DLGAP5: variants seen among roughly 807,000 people sequenced by gnomAD.
DLGAP5 encodes the protein disks large-associated protein 5.
In DLGAP5, 90 loss-of-function variants were observed where a neutral mutation model predicts 99.6. The ratio of observed to expected loss-of-function variants is 0.90; its 90% CI spans 0.76 to 1.08. The LOEUF is 1.08. Among genes scored for constraint, DLGAP5 ranks in the 50% least tolerant of loss-of-function variants. The pLI is 0.00. For synonymous variants in DLGAP5, 311 were observed against 321.3 expected, an observed-to-expected ratio of 0.97 and a Z score of 0.34; for missense variants, 1,036 against 983.5, an observed-to-expected ratio of 1.05 and a Z score of -0.71.
At chr14:55,182,700 C>G (rs1883316454) in intron 3 of DLGAP5, among the ~76,000 whole-genome samples, 1 of 152,066 alleles carries the variant, frequency 6.6e-6, no homozygotes, top group South Asian at 2.1e-4. Flanking sequence ...AGCTTCTATC[C>G]TCTCTTAGTT....
chr14:55,163,711 A>C (rs972680301), intron 12 of DLGAP5, among the ~76,000 whole-genome samples: 4 of 152,226 alleles, frequency 2.6e-5, no homozygotes, highest in Non-Finnish European at 4.4e-5. Context: ...TTGAATTTTC[A>C]CTGTTCCCTA....
At chr14:55,157,625 A>C (rs1353444803) in intron 14 of DLGAP5, among the ~76,000 whole-genome samples, 1 of 152,226 alleles carries the variant, frequency 6.6e-6, no homozygotes, top group East Asian at 1.9e-4. Flanking sequence ...ATCACAAAAA[A>C]ATGATTTCCT....
At chr14:55,178,668 T>C (rs8021306) in intron 7 of DLGAP5, among the ~76,000 whole-genome samples, 16,684 of 152,250 alleles carry the variant, frequency 0.11, 2,482 homozygotes, top group African/African-American at 0.33. Context: ...GAAGATTCAC[T>C]GTGTGTTTCC....
In DLGAP5 at chr14:55,186,388, C is replaced by T. The variant is rs1484892111; in HGVS notation, c.238+2554G>A. Among the ~76,000 whole-genome samples the T allele has an allele frequency of 7.9e-5, 12 of 152,178 alleles. No homozygotes were observed. In the East Asian group the frequency reaches 1.7e-3, roughly 22 times the overall value. On this transcript the variant is annotated intron_variant, in intron 2 of 18. Coordinates refer to ENST00000247191, the MANE Select transcript of DLGAP5 (RefSeq NM_014750.5). ...ATCTATTACAGGGTCCAGATTTAAA[C>T]GTCTCTATTTGTTTCAAAGAGGTCT...
rs767887933 is a variant in DLGAP5 at position 55,177,165 on chromosome 14, G to C, written c.946C>G (p.Pro316Ala). ...SFAPKDFMFQ[P>A]LDGLKTYQVT... ...TGATAGGTCTTCAGACCATCCAGTG[G>C]CTGAAACATAAAATCCTTAGGTGCA... is the stretch of plus-strand genomic sequence containing the variant. Residue 316 changes from proline to alanine, a missense_variant, in exon 8 of 19, where the codon CCA (proline) becomes GCA (alanine). Pro to Ala is a conservative substitution (Grantham distance 27). Transcript: ENST00000247191. 2 of 1,612,150 alleles carry C rather than the reference G, an allele frequency of 1.2e-6. No homozygotes were observed. The highest frequency in any genetic ancestry group is 2.7e-5 in the African/African-American group (2 of 74,710).
chr14:55,158,781 A>G (rs1405849498), intron 13 of DLGAP5, 40 bp from the exon 14 acceptor site: 8 of 1,447,308 alleles, frequency 5.5e-6, no homozygotes, highest in Non-Finnish European at 6.7e-6. Flanking sequence ...GCCCATTACC[A>G]TCTTACAAGA....
chr14:55,155,817 G>A (rs767842217), intron 14 of DLGAP5, among the ~76,000 whole-genome samples: 1 of 151,998 alleles, frequency 6.6e-6, no homozygotes, highest in African/African-American at 2.4e-5. Context: ...GGCCGGGCGC[G>A]GTGGCTCATG....
intron 2 of DLGAP5, among the ~76,000 whole-genome samples, chr14:55,186,516 C>G (rs1883442007): frequency 6.6e-6 from 1 of 152,212 alleles, no homozygotes; most frequent in African/African-American, 2.4e-5. Flanking sequence ...CTCCTCCCCA[C>G]TCTTCTTTTC....
At chr14:55,156,449 C>A (rs551330051) in intron 14 of DLGAP5, among the ~76,000 whole-genome samples, 8 of 152,186 alleles carry the variant, frequency 5.3e-5, no homozygotes, top group African/African-American at 1.9e-4. Flanking sequence ...GAAAGACTGG[C>A]AGCCAGAATG....
Position 55,177,138 on chromosome 14 carries a change from C to G in DLGAP5, c.973G>C (p.Val325Leu). The G allele has an allele frequency of 1.9e-6, 3 of 1,597,804 alleles. No homozygotes were observed. Among genetic ancestry groups the G allele is most frequent in the Non-Finnish European group, 1.7e-6 (2 of 1,174,244 alleles). The change falls in exon 8 of 19, where the codon GTA (valine) becomes CTA (leucine). Residue 325 changes from valine to leucine, a missense_variant. Physicochemically the swap from Val to Leu is conservative, Grantham distance 32. Coordinates refer to ENST00000247191, the MANE Select transcript of DLGAP5 (RefSeq NM_014750.5). The part of the protein sequence containing the change: ...QPLDGLKTYQ[V>L]TPMTPRSANA... The stretch of plus-strand genomic sequence containing the variant: ...GCACTTCTGGGAGTCATAGGTGTTA[C>G]TTGATAGGTCTTCAGACCATCCAGT...
chr14:55,171,090 G>C (rs1365684268), intron 10 of DLGAP5, among the ~76,000 whole-genome samples: 2 of 152,274 alleles, frequency 1.3e-5, no homozygotes, highest in Admixed American at 6.5e-5. Context: ...ATCAAAGTCA[G>C]ACATTCCTAA....
chr14:55,184,230 G>A (rs1883363073), intron 2 of DLGAP5, among the ~76,000 whole-genome samples: 1 of 152,176 alleles, frequency 6.6e-6, no homozygotes, highest in Non-Finnish European at 1.5e-5. Context: ...GGCTGAGGTG[G>A]AAGGATCATT....
chr14:55,190,325 CAT>C (rs1227906577), intron 1 of DLGAP5, among the ~76,000 whole-genome samples: 2 of 151,770 alleles, frequency 1.3e-5, no homozygotes, highest in East Asian at 3.9e-4. Context: ...CGCACAAAAT[CAT>C]ATAGTTTAAT....
Position 55,183,837 on chromosome 14 carries a change from G to A in DLGAP5, c.239-84C>T, listed in dbSNP as rs1464074027. ...TGCAAATGTATAAACAATTATTTTT[G>A]TGTCATTTCAACTGCTGCTAAAAAA... On this transcript the variant is annotated intron_variant, in intron 2 of 18. Coordinates refer to ENST00000247191, the MANE Select transcript of DLGAP5 (RefSeq NM_014750.5). 3 of 1,333,538 alleles carry A rather than the reference G, an allele frequency of 2.2e-6. No homozygotes were observed. The East Asian group carries it at 8.5e-5, about 38-fold the overall frequency. 82.6% of individuals were successfully genotyped at this position (1,333,538 alleles called of 1,614,324 possible). A position where few individuals can be genotyped will look rare whatever the true frequency, so the allele number is the denominator to read the frequency against.
At chr14:55,166,921 G>C (rs557577727) in intron 12 of DLGAP5, among the ~76,000 whole-genome samples, 1 of 150,850 alleles carries the variant, frequency 6.6e-6, no homozygotes, top group South Asian at 2.1e-4. Flanking sequence ...ACTTGAAGTG[G>C]CTCCCACTAA....
At chr14:55,169,638 C>G in intron 11 of DLGAP5, 79 bp from the exon 12 acceptor site, 1 of 1,252,562 alleles carries the variant, frequency 8.0e-7, no homozygotes, top group African/African-American at 1.5e-5. Context: ...GATAAGACTT[C>G]ACTCCAAACA....
chr14:55,151,832 CCTT>C lies in DLGAP5; in HGVS notation c.2228_2230del (p.Glu743del). The C allele has an allele frequency of 1.9e-6, 3 of 1,613,926 alleles. No individual in the cohort carries two copies. Among genetic ancestry groups the C allele is most frequent in the Non-Finnish European group, 2.5e-6 (3 of 1,179,952 alleles). Reference sequence around the variant, plus strand: ...CATTCCTTCCACAACATCTGAAATTCCTTCTTTTTTGTTAGTATTAATATCATC... The same window carrying C: ...CATTCCTTCCACAACATCTGAAATTCCTTTTTTGTTAGTATTAATATCATC... On this transcript the variant is annotated inframe_deletion, in exon 17 of 19. Transcript: ENST00000247191.
chr14:55,164,747 CCTCAT>C (rs1882576351), intron 12 of DLGAP5, among the ~76,000 whole-genome samples: 1 of 151,794 alleles, frequency 6.6e-6, no homozygotes, highest in Non-Finnish European at 1.5e-5. Context: ...CGTAGTGAAA[CCTCAT>C]CTCTACTAAA....
chr14:55,152,845 T>C (rs540600044), intron 15 of DLGAP5, among the ~76,000 whole-genome samples, 198 bp from the exon 16 acceptor site: 1 of 152,312 alleles, frequency 6.6e-6, no homozygotes, highest in African/African-American at 2.4e-5. Flanking sequence ...ACTAAATGCA[T>C]TCTTCCCCAG....
Sources: gnomAD v4.1 joint callset for allele counts (sites outside exome capture counted in the v4.1 genomes callset) on GRCh38, gnomAD v4.1.1 for gene constraint, MANE v1.5 for transcripts, NCBI Gene and HGNC (gene_info 2026-07-23, HGNC 2026-07-21) for gene names.